The following KMT2C variants were observed in gnomAD, a reference collection of about 807,000 sequenced individuals.
KMT2C encodes histone-lysine N-methyltransferase 2C.
A neutral mutation model predicts 507.9 loss-of-function variants in KMT2C; 88 were observed. The observed-to-expected ratio is 0.17, with a 90% CI of 0.15 to 0.21. The LOEUF (loss-of-function observed/expected upper bound fraction) is 0.21. KMT2C is among the 10% of genes least tolerant of loss of function. The pLI is 1.00. For missense variants in KMT2C, 4,954 were observed against 5,957.8 expected (o/e 0.83, Z 5.55); for synonymous variants, 2,049 against 2,080.8 (o/e 0.98, Z 0.42).
intron 3 of KMT2C, among the ~76,000 whole-genome samples, chr7:152,324,618 G>GA (rs11432528): frequency 0.01 from 1,520 of 151,674 alleles, 38 homozygotes; most frequent in African/African-American, 0.035. Flanking sequence ...CATATTCCAA[G>GA]AAAAAAAATC....
intron 6 of KMT2C, among the ~76,000 whole-genome samples, chr7:152,281,056 C>T (rs1429478038): frequency 6.6e-6 from 1 of 152,076 alleles, no homozygotes; most frequent in Non-Finnish European, 1.5e-5. Flanking sequence ...TTTGTAACAA[C>T]ATACATAAAT....
intron 5 of KMT2C, among the ~76,000 whole-genome samples, chr7:152,310,554 G>A (rs1260485204): frequency 2.0e-5 from 3 of 152,144 alleles, no homozygotes; most frequent in Non-Finnish European, 2.9e-5. Context: ...AACAGAGCAA[G>A]ACTCCGTCTC....
chr7:152,428,399 G>A (rs1433566343), intron 1 of KMT2C, among the ~76,000 whole-genome samples: 1 of 150,120 alleles, frequency 6.7e-6, no homozygotes, highest in Non-Finnish European at 1.5e-5. Flanking sequence ...GATCACCTGA[G>A]GTCAGGAGTT....
intron 6 of KMT2C, among the ~76,000 whole-genome samples, chr7:152,288,022 C>CAAAAAAAA (rs66951420): frequency 3.2e-5 from 1 of 31,654 alleles, no homozygotes; most frequent in Non-Finnish European, 6.4e-5. Context: ...GAGTCTGCCT[C>CAAAAAAAA]AAAAAAAAAA....
At chr7:152,326,367 A>T (rs2096828491) in intron 3 of KMT2C, among the ~76,000 whole-genome samples, 1 of 152,130 alleles carries the variant, frequency 6.6e-6, no homozygotes, top group African/African-American at 2.4e-5. Flanking sequence ...AAAGTTTTAT[A>T]ATTTTCTCTA....
chr7:152,415,554 C>T (rs1457381202), intron 1 of KMT2C, among the ~76,000 whole-genome samples: 1 of 152,152 alleles, frequency 6.6e-6, no homozygotes, highest in Non-Finnish European at 1.5e-5. Flanking sequence ...GGACAAAACA[C>T]GACTGGGCAA....
In KMT2C at chr7:152,185,426, A is replaced by C; in HGVS notation, c.5082+132T>G. 3 of 612,546 alleles carry C rather than the reference A, an allele frequency of 4.9e-6. No homozygotes were observed. The South Asian group carries it at 6.9e-5, about 14-fold the overall frequency. 37.9% of individuals were successfully genotyped at this position (612,546 alleles called of 1,614,324 possible). On this transcript the variant is annotated intron_variant, in intron 34 of 58. Coordinates refer to ENST00000262189, the MANE Select transcript of KMT2C (RefSeq NM_170606.3). ...AAGGAGTTAGAAAATCACTTTAAAA[A>C]TAAAGTTGCTTGTTGTACAGGTACT...
chr7:152,213,484 T>C (rs933986645), intron 23 of KMT2C, among the ~76,000 whole-genome samples: 10 of 152,114 alleles, frequency 6.6e-5, no homozygotes, highest in African/African-American at 1.9e-4. Flanking sequence ...CTTCAATAAG[T>C]AGTGGTAAGA....
intron 18 of KMT2C, among the ~76,000 whole-genome samples, chr7:152,226,218 C>CATT (rs1563479395): frequency 0.016 from 1,988 of 127,942 alleles, 112 homozygotes; most frequent in African/African-American, 0.061. Flanking sequence ...CATTACAAGG[C>CATT]CTTTTTTTTT....
chr7:152,228,019 G>GT (rs1315339575), intron 18 of KMT2C, among the ~76,000 whole-genome samples: 2 of 152,184 alleles, frequency 1.3e-5, no homozygotes, highest in African/African-American at 2.4e-5. Flanking sequence ...AGTCTGTAAA[G>GT]TTAAAACAAG....
chr7:152,360,315 T>C (rs1285663918), intron 1 of KMT2C, among the ~76,000 whole-genome samples: 2 of 151,488 alleles, frequency 1.3e-5, no homozygotes, highest in East Asian at 2.0e-4. Context: ...TCGTCTCTAC[T>C]AAAAATACAA....
At chr7:152,282,129 C>CAA (rs112908780) in intron 6 of KMT2C, among the ~76,000 whole-genome samples, 2 of 135,774 alleles carry the variant, frequency 1.5e-5, no homozygotes, top group South Asian at 2.4e-4. Flanking sequence ...CCATTTCTAC[C>CAA]AAAAAAAAAA....
At position 152,150,956 on chromosome 7, in the gene KMT2C, T is replaced by C; in HGVS notation, c.12718A>G (p.Asn4240Asp). The C allele has an allele frequency of 6.2e-7, 1 of 1,613,770 alleles. No individual in the cohort carries two copies. Among genetic ancestry groups the C allele is most frequent in the Non-Finnish European group, 8.5e-7 (1 of 1,179,772 alleles). Reference protein sequence around the residue: ...RVEKDIVFCSNNCFILYSSTA... With the variant: ...RVEKDIVFCSDNCFILYSSTA... ...GATGAATAAAGAATAAAGCAGTTAT[T>C]ACTACAGAAGACAATGTCCTTCTCT... The change falls in exon 51 of 59, where the codon AAT (asparagine) becomes GAT (aspartate). Residue 4240 changes from asparagine (N) to aspartate (D), a missense_variant. Physicochemically the swap from Asn to Asp is conservative, Grantham distance 23 (BLOSUM62 1). Coordinates refer to ENST00000262189, the MANE Select transcript of KMT2C (RefSeq NM_170606.3).
chr7:152,153,854 A>C (rs2129098415), intron 48 of KMT2C, among the ~76,000 whole-genome samples, 156 bp downstream of exon 48: 1 of 152,332 alleles, frequency 6.6e-6, no homozygotes, highest in East Asian at 1.9e-4. Flanking sequence ...GATGGCACTC[A>C]AAGGCAGCTG....
At chr7:152,416,795 TA>T (rs1263967946) in intron 1 of KMT2C, among the ~76,000 whole-genome samples, 1 of 150,726 alleles carries the variant, frequency 6.6e-6, no homozygotes, top group Non-Finnish European at 1.5e-5. Context: ...CTCACACCTG[TA>T]ATCCCAGGAC....
chr7:152,164,479 C>T (rs998793350), intron 42 of KMT2C, among the ~76,000 whole-genome samples: 4 of 151,874 alleles, frequency 2.6e-5, no homozygotes, highest in East Asian at 3.9e-4. Context: ...TTAGTAGAGA[C>T]GGGGTTTCAC....
chr7:152,357,936 G>T (rs990004378), intron 2 of KMT2C, among the ~76,000 whole-genome samples: 2 of 152,186 alleles, frequency 1.3e-5, no homozygotes, highest in African/African-American at 4.8e-5. Flanking sequence ...CTATCACTGT[G>T]TCTAAACTTT....
chr7:152,431,537 C>T lies in KMT2C; in HGVS notation c.161+4089G>A, dbSNP rs1313167621. ...AGGAGAATCACTTGAACCTGGGAGG[C>T]GGAAGTTGCAGCGAGCCAAGATCGC... is the stretch of plus-strand genomic sequence containing the variant. On this transcript the variant is annotated intron_variant, in intron 1 of 58. Coordinates refer to ENST00000262189, the MANE Select transcript of KMT2C (RefSeq NM_170606.3). 6.0e-5 allele frequency among the ~76,000 whole-genome samples: 9 copies of T among 149,682 alleles called. No individual in the cohort carries two copies. In the East Asian group the frequency reaches 1.4e-3, roughly 23 times the overall value.
At chr7:152,316,341 C>A (rs1345156960) in intron 3 of KMT2C, among the ~76,000 whole-genome samples, 36 of 152,094 alleles carry the variant, frequency 2.4e-4, no homozygotes, top group Admixed American at 2.4e-3. Context: ...AGGGAAACTG[C>A]TGGGGGTAGA....
Sources: gnomAD v4.1 joint callset for allele counts (sites outside exome capture counted in the v4.1 genomes callset) on GRCh38, gnomAD v4.1.1 for gene constraint, MANE v1.5 for transcripts, NCBI Gene and HGNC (gene_info 2026-07-23, HGNC 2026-07-21) for gene names.